The following SLC26A2 variants were observed in gnomAD, a reference collection of about 807,000 sequenced individuals.
The protein encoded by SLC26A2 is solute carrier family 26 member 2.
In SLC26A2, 36 loss-of-function variants were observed where a neutral mutation model predicts 41.1. That is an observed-to-expected ratio of 0.88 (90% CI 0.67 to 1.16). SLC26A2 has a LOEUF of 1.16. SLC26A2 is among the 50% of genes most tolerant of loss of function. The probability of loss-of-function intolerance (pLI) is 0.00; values close to 1 mark genes in which losing one functional copy is unlikely to be tolerated. For synonymous variants in SLC26A2, 291 were observed against 311.6 expected (o/e 0.93, Z 0.70); for missense variants, 796 against 869.6 (o/e 0.92, Z 1.07).
At chr5:149,967,260 AATTGAC>A (rs1754820718) in intron 1 of SLC26A2, among the ~76,000 whole-genome samples, 1 of 152,218 alleles carries the variant, frequency 6.6e-6, no homozygotes, top group African/African-American at 2.4e-5. Flanking sequence ...ATTGTAGTAT[AATTGAC>A]ATACAATAAG....
At chr5:149,978,524 T>C (rs1040812296) in intron 2 of SLC26A2, among the ~76,000 whole-genome samples, 173 bp downstream of exon 2, 7 of 152,134 alleles carry the variant, frequency 4.6e-5, no homozygotes, top group African/African-American at 1.4e-4. Context: ...CCACAGGTAA[T>C]ATAAGGCTGG....
intron 1 of SLC26A2, among the ~76,000 whole-genome samples, chr5:149,971,043 C>T (rs1754890797): frequency 6.6e-6 from 1 of 152,244 alleles, no homozygotes; most frequent in Non-Finnish European, 1.5e-5. Context: ...CTTGTTGACA[C>T]TTGAGGACAT....
chr5:149,964,666 A>G lies in SLC26A2; in HGVS notation c.-26+3687A>G, dbSNP rs540916255. On this transcript the variant is annotated intron_variant, in intron 1 of 2. Coordinates refer to ENST00000286298, the MANE Select transcript of SLC26A2 (RefSeq NM_000112.4). ...GTGGCGGGCACCTGTAGTCCCAGCT[A>G]CTTGGGAGGCTTAGGCAGGAGAATG... is the stretch of plus-strand genomic sequence containing the variant. 9.2e-5 allele frequency among the ~76,000 whole-genome samples: 14 copies of G among 151,954 alleles called. No individual in the cohort carries two copies. In the East Asian group the frequency reaches 2.1e-3, roughly 23 times the overall value.
rs1755200283 is a variant in SLC26A2 at position 149,986,387 on chromosome 5, G to A, written c.*4574G>A. Reference sequence around the variant, plus strand: ...GACAAAATAATATACCAGCTGGTTTGTTATTATAGTCCGTGTATTAAAATA... The same window carrying A: ...GACAAAATAATATACCAGCTGGTTTATTATTATAGTCCGTGTATTAAAATA... On this transcript the variant is annotated 3_prime_UTR_variant, in exon 3 of 3. Transcript: ENST00000286298. 1 of 151,960 alleles carries A rather than the reference G, an allele frequency of 6.6e-6. No homozygotes were observed. Among genetic ancestry groups the A allele is most frequent in the African/African-American group, 2.4e-5 (1 of 41,368 alleles). 9.4% of individuals were successfully genotyped at this position (151,960 alleles called of 1,614,324 possible). A position where few individuals can be genotyped will look rare whatever the true frequency, so the allele number is the denominator to read the frequency against.
chr5:149,972,001 C>G (rs1754913443), intron 1 of SLC26A2, among the ~76,000 whole-genome samples: 1 of 152,138 alleles, frequency 6.6e-6, no homozygotes, highest in Non-Finnish European at 1.5e-5. Flanking sequence ...CTGTTTTAAA[C>G]ATAACATTCT....
chr5:149,980,263 T>C (rs772902368), intron 2 of SLC26A2, 30 bp from the exon 3 acceptor site: 2 of 1,565,052 alleles, frequency 1.3e-6, no homozygotes, highest in South Asian at 2.2e-5. Context: ...TTTCCATTTA[T>C]ATTTAACACT....
rs1370328907 is a variant in SLC26A2, at chr5:149,977,959, G to A, written c.307G>A (p.Asp103Asn). The part of the protein sequence containing the change: ...LPVLQWLPKY[D>N]LKKNILGDVM... ...TGTTTTGCAGTGGCTCCCAAAATAC[G>A]ACCTAAAGAAAAACATTTTAGGGGA... The change falls in exon 2 of 3, where the codon GAC becomes AAC. Residue 103 changes from aspartate to asparagine, a missense_variant. Physicochemically the swap from Asp to Asn is conservative, Grantham distance 23 (BLOSUM62 1). Coordinates refer to ENST00000286298, the MANE Select transcript of SLC26A2 (RefSeq NM_000112.4). The A allele has an allele frequency of 1.5e-5, 24 of 1,614,042 alleles. No homozygotes were observed. The highest frequency in any genetic ancestry group is 8.9e-5 in the East Asian group (4 of 44,900).
At chr5:149,968,577 A>ATTT (rs34927001) in intron 1 of SLC26A2, among the ~76,000 whole-genome samples, 5,724 of 136,240 alleles carry the variant, frequency 0.042, 349 homozygotes, top group African/African-American at 0.13. Context: ...TGCCTGGCTA[A>ATTT]TTTTTTTTTT....
rs571685171 is a variant in SLC26A2 at position 149,970,262 on chromosome 5, C to T, written c.-25-7366C>T. On this transcript the variant is annotated intron_variant, in intron 1 of 2. Transcript: ENST00000286298. ...GTGGCTCACACCTGTAATCCCAGCA[C>T]TTTGGGAGGCAGAAGTGGAAGAATT... is the stretch of plus-strand genomic sequence containing the variant. 2.0e-5 allele frequency among the ~76,000 whole-genome samples: 3 copies of T among 152,234 alleles called. No individual in the cohort carries two copies. In the East Asian group the frequency reaches 5.8e-4, roughly 29 times the overall value.
In SLC26A2 at chr5:149,984,886, A is replaced by C. The variant is rs551921195; in HGVS notation, c.*3073A>C. The C allele has an allele frequency of 4.0e-4, 61 of 152,356 alleles. No individual in the cohort carries two copies. The highest frequency in any genetic ancestry group is 1.3e-3 in the African/African-American group (56 of 41,574). 9.4% of individuals were successfully genotyped at this position (152,356 alleles called of 1,614,324 possible). A position where few individuals can be genotyped will look rare whatever the true frequency, so the allele number is the denominator to read the frequency against. ...TACTCTTGATGGTTAGAACTCTTAC[A>C]GCCTTATTTATTTTTAAGTTTGTTA... On this transcript the variant is annotated 3_prime_UTR_variant, in exon 3 of 3. Transcript: ENST00000286298.
rs528445053 is a variant in SLC26A2, at chr5:149,970,144, G to A, written c.-25-7484G>A. On this transcript the variant is annotated intron_variant, in intron 1 of 2. Coordinates refer to ENST00000286298, the MANE Select transcript of SLC26A2 (RefSeq NM_000112.4). The stretch of plus-strand genomic sequence containing the variant: ...GAAAATAAAGCCAGATAAGGATATA[G>A]GGAATGCTGGGAAGGAGGTGTTATT... Among the ~76,000 whole-genome samples, 4 of 152,328 alleles carry A rather than the reference G, an allele frequency of 2.6e-5. No homozygotes were observed. The South Asian group carries it at 8.3e-4, about 32-fold the overall frequency.
rs1233972792 is a variant in SLC26A2 at position 149,984,045 on chromosome 5, A to T, written c.*2232A>T. ...ATAATTCCAGCCAAAGATTCTGGAAAATCCCTCAGAAGGAGGGATAACAGG... is the reference window on the plus strand; with the variant it reads ...ATAATTCCAGCCAAAGATTCTGGAATATCCCTCAGAAGGAGGGATAACAGG... On this transcript the variant is annotated 3_prime_UTR_variant, in exon 3 of 3. Coordinates refer to ENST00000286298, the MANE Select transcript of SLC26A2 (RefSeq NM_000112.4). 3.9e-5 allele frequency: 6 copies of T among 152,246 alleles called. No individual in the cohort carries two copies. 9.4% of individuals were successfully genotyped at this position (152,246 alleles called of 1,614,324 possible). A position where few individuals can be genotyped will look rare whatever the true frequency, so the allele number is the denominator to read the frequency against.
rs905889180 is a variant in SLC26A2, at chr5:149,961,220, C to T, written c.-26+241C>T. Among the ~76,000 whole-genome samples the T allele has an allele frequency of 3.9e-5, 6 of 152,352 alleles. No homozygotes were observed. The East Asian group carries it at 1.2e-3, about 29-fold the overall frequency. ...GTCTGGCTGGCGGCTGCCCACCCGCCCTCCATCCCGCGTATCTCGCCGTAT... is the reference window on the plus strand; with the variant it reads ...GTCTGGCTGGCGGCTGCCCACCCGCTCTCCATCCCGCGTATCTCGCCGTAT... On this transcript the variant is annotated intron_variant, in intron 1 of 2. Coordinates refer to ENST00000286298, the MANE Select transcript of SLC26A2 (RefSeq NM_000112.4).
intron 1 of SLC26A2, among the ~76,000 whole-genome samples, chr5:149,963,815 C>G (rs1754757629): frequency 7.1e-6 from 1 of 140,774 alleles, no homozygotes; most frequent in African/African-American, 2.7e-5. Flanking sequence ...CTCCTGGCCT[C>G]AAAGTGATCT....
At chr5:149,967,198 A>T (rs1355522308) in intron 1 of SLC26A2, among the ~76,000 whole-genome samples, 2 of 152,194 alleles carry the variant, frequency 1.3e-5, no homozygotes, top group Non-Finnish European at 2.9e-5. Flanking sequence ...GTAACAGGTT[A>T]TATTCAAGCT....
In SLC26A2 at chr5:149,981,427, G is replaced by A; in HGVS notation, c.1834G>A (p.Ala612Thr). 7 of 1,614,094 alleles carry A rather than the reference G, an allele frequency of 4.3e-6. No homozygotes were observed. The highest frequency in any genetic ancestry group is 4.2e-6 in the Non-Finnish European group (5 of 1,179,990). The change falls in exon 3 of 3, where the codon GCT becomes ACT. Residue 612 changes from alanine (A) to threonine (T), a missense_variant. Coordinates refer to ENST00000286298, the MANE Select transcript of SLC26A2 (RefSeq NM_000112.4). ...TGTCAACCCAATCTTAATAAAGGTG[G>A]CTTGGAAGAAGGCAGCAAAGAGAAA... The part of the protein sequence containing the change: ...QTVNPILIKV[A>T]WKKAAKRKIK...
In SLC26A2 at chr5:149,984,808, T is replaced by A. The variant is rs1755169532; in HGVS notation, c.*2995T>A. The A allele has an allele frequency of 6.6e-6, 1 of 152,256 alleles. No homozygotes were observed. Among genetic ancestry groups the A allele is most frequent in the Non-Finnish European group, 1.5e-5 (1 of 68,048 alleles). 9.4% of individuals were successfully genotyped at this position (152,256 alleles called of 1,614,324 possible). The stretch of plus-strand genomic sequence containing the variant: ...GAGTCTAAATGAAGCTTTTTCTCAG[T>A]ACAAGATTCTGAGTATCATAAAATG... On this transcript the variant is annotated 3_prime_UTR_variant, in exon 3 of 3. Coordinates refer to ENST00000286298, the MANE Select transcript of SLC26A2 (RefSeq NM_000112.4).
chr5:149,981,798 T>C lies in SLC26A2; in HGVS notation c.2205T>C (p.Ser735=). The change falls in exon 3 of 3, where the codon AGT becomes AGC. Residue 735 remains serine, a synonymous_variant. Transcript: ENST00000286298. ...GAGTATGTGTTCCCAATGGTCTGAG[T>C]CTTAGTAGTGATTAATTGAGAAGGT... ...QKGVCVPNGL[S]LSSD is the part of the protein sequence containing the mutation. 6.2e-7 allele frequency: 1 copy of C among 1,610,954 alleles called. No homozygotes were observed. The highest frequency in any genetic ancestry group is 8.5e-7 in the Non-Finnish European group (1 of 1,177,980).
chr5:149,980,652 T>G lies in SLC26A2; in HGVS notation c.1059T>G (p.His353Gln). 6.2e-7 allele frequency: 1 copy of G among 1,614,046 alleles called. No individual in the cohort carries two copies. Among genetic ancestry groups the G allele is most frequent in the Non-Finnish European group, 8.5e-7 (1 of 1,179,930 alleles). The change falls in exon 3 of 3, where the codon CAT becomes CAG. Residue 353 changes from histidine (H) to glutamine (Q), a missense_variant. Transcript: ENST00000286298. ...TAGCCTCTCATTTTGGAAAACTACA[T>G]GAAAATTATAATTCTAGTATTGCTG... ...ATLASHFGKL[H>Q]ENYNSSIAGH...
Sources: gnomAD v4.1 joint callset for allele counts (sites outside exome capture counted in the v4.1 genomes callset) on GRCh38, gnomAD v4.1.1 for gene constraint, MANE v1.5 for transcripts, NCBI Gene and HGNC (gene_info 2026-07-23, HGNC 2026-07-21) for gene names.